Variants in RHD observed in about 807,000 individuals in gnomAD.
RHD encodes Rh blood group D antigen.
Under a neutral mutation model 45.5 loss-of-function variants are expected in RHD, and 16 were observed. The ratio of observed to expected loss-of-function variants is 0.35; its 90% CI spans 0.24 to 0.53. The LOEUF is 0.53. Ranked by LOEUF, RHD falls within the 20% of genes least tolerant of loss-of-function variation. The pLI is 0.92. For synonymous variants in RHD, 131 were observed against 217.5 expected (o/e 0.60, Z 3.50); for missense variants, 306 against 532.0 (o/e 0.58, Z 4.18).
In RHD at chr1:25,316,521, A is replaced by G. The variant is rs1644444682; in HGVS notation, c.1074-479A>G. ...TGTAGTCCCAGCTACTTGAGGCACAAGAATCGCTTGAACCTGGGGGACAGA... is the reference window on the plus strand; with the variant it reads ...TGTAGTCCCAGCTACTTGAGGCACAGGAATCGCTTGAACCTGGGGGACAGA... On this transcript the variant is annotated intron_variant, in intron 7 of 9. Coordinates refer to ENST00000328664, the MANE Select transcript of RHD (RefSeq NM_016124.6). Among the ~76,000 whole-genome samples, 2 of 112,082 alleles carry G rather than the reference A, an allele frequency of 1.8e-5. 1 individual carries two copies. Among genetic ancestry groups the G allele is most frequent in the South Asian group, 5.7e-4 (2 of 3,518 alleles). The allele number at this position is 112,082 out of a possible 152,430, so 73.5% of individuals were successfully genotyped here.
Position 25,278,864 on chromosome 1 carries a change from C to T in RHD, c.149-5709C>T, listed in dbSNP as rs1350744403. ...CCCAGGCTGCTGGAGGGGTGAGAGT[C>T]GCCGGTAGAGTAGAGGCTGTGGGCG... is the stretch of plus-strand genomic sequence containing the variant. On this transcript the variant is annotated intron_variant, in intron 1 of 9. Transcript: ENST00000328664. Among the ~76,000 whole-genome samples, 4 of 128,462 alleles carry T rather than the reference C, an allele frequency of 3.1e-5. No homozygotes were observed. In the East Asian group the frequency reaches 7.9e-4, roughly 25 times the overall value. The allele number at this position is 128,462 out of a possible 152,430, so 84.3% of individuals were successfully genotyped here.
rs184523691 is a variant in RHD, at chr1:25,274,442, C to T, written c.148+1747C>T. On this transcript the variant is annotated intron_variant, in intron 1 of 9. Coordinates refer to ENST00000328664, the MANE Select transcript of RHD (RefSeq NM_016124.6). ...TTGACTCTAGGGTCCATGTTCTTTA[C>T]CCCTGCACCGTGCTACTAACGTAGG... Among the ~76,000 whole-genome samples, 22 of 132,386 alleles carry T rather than the reference C, an allele frequency of 1.7e-4. 2 individuals are homozygous for T. The East Asian group carries it at 4.3e-3, about 26-fold the overall frequency. 86.9% of individuals were successfully genotyped at this position (132,386 alleles called of 152,430 possible).
Position 25,301,135 on chromosome 1 carries a change from G to A in RHD, c.634+42G>A, listed in dbSNP as rs777423423. On this transcript the variant is annotated intron_variant, in intron 4 of 9. Coordinates refer to ENST00000328664, the MANE Select transcript of RHD (RefSeq NM_016124.6). ...GTGAGTGGTCTCCTACTTGGGCTGAGCAGAATGGCTCAGAAAAGGCTCTGG... is the reference window on the plus strand; with the variant it reads ...GTGAGTGGTCTCCTACTTGGGCTGAACAGAATGGCTCAGAAAAGGCTCTGG... 3.7e-6 allele frequency: 5 copies of A among 1,360,598 alleles called. No homozygotes were observed. The South Asian group carries it at 4.7e-5, about 13-fold the overall frequency. The allele number at this position is 1,360,598 out of a possible 1,614,324, so 84.3% of individuals were successfully genotyped here. A position where few individuals can be genotyped will look rare whatever the true frequency, so the allele number is the denominator to read the frequency against.
chr1:25,276,508 C>A (rs1571572925), intron 1 of RHD, among the ~76,000 whole-genome samples: 2 of 65,762 alleles, frequency 3.0e-5, no homozygotes, highest in Admixed American at 1.8e-4. Flanking sequence ...GCCTAGGAAA[C>A]ATAGGGAGAC....
rs1468062159 is a variant in RHD at position 25,273,614 on chromosome 1, G to GT, written c.148+921dup. ...GGCTGAAGGGGAGGGTAGGATGATG[G>GT]TTATTTTATATTCAGCTAAAAATAT... is the stretch of plus-strand genomic sequence containing the variant. On this transcript the variant is annotated intron_variant, in intron 1 of 9. Coordinates refer to ENST00000328664, the MANE Select transcript of RHD (RefSeq NM_016124.6). Among the ~76,000 whole-genome samples, 2 of 99,178 alleles carry GT rather than the reference G, an allele frequency of 2.0e-5. 1 individual carries two copies. The highest frequency in any genetic ancestry group is 4.9e-5 in the Non-Finnish European group (2 of 41,060). The allele number at this position is 99,178 out of a possible 152,430, so 65.1% of individuals were successfully genotyped here.
In RHD at chr1:25,301,621, G is replaced by A. The variant is rs760646401; in HGVS notation, c.736G>A (p.Ala246Thr). The A allele has an allele frequency of 6.5e-6, 9 of 1,380,396 alleles. 1 individual carries two copies. The Admixed American group carries it at 1.4e-4, about 22-fold the overall frequency. 85.5% of individuals were successfully genotyped at this position (1,380,396 alleles called of 1,614,324 possible). A position where few individuals can be genotyped will look rare whatever the true frequency, so the allele number is the denominator to read the frequency against. The change falls in exon 5 of 10, where the codon GCA (alanine) becomes ACA (threonine). Residue 246 changes from alanine to threonine, a missense_variant. Ala to Thr is a moderately conservative substitution (Grantham distance 58). Transcript: ENST00000328664. ...CGTGTTCAACACCTACTATGCTGTA[G>A]CAGTCAGCGTGGTGACAGCCATCTC... ...NAVFNTYYAV[A>T]VSVVTAISGS...
chr1:25,321,036 T>C (rs1128110), intron 8 of RHD, among the ~76,000 whole-genome samples: 3 of 130,972 alleles, frequency 2.3e-5, no homozygotes, highest in Non-Finnish European at 5.4e-5. Flanking sequence ...AGAATGAGAC[T>C]CTGTCCCAAA....
intron 3 of RHD, among the ~76,000 whole-genome samples, chr1:25,295,999 AT>A (rs1642924392): frequency 8.5e-6 from 1 of 117,228 alleles, no homozygotes; most frequent in South Asian, 2.6e-4. Flanking sequence ...AGTAGCTGAG[AT>A]TACAGGCACA....
rs1276337555 is a variant in RHD at position 25,316,264 on chromosome 1, G to C, written c.1074-736G>C. ...CAGGGGAGATGGGTCTGAAAGCCAA[G>C]CTCTACCCCACCCACCTTGCCCCAA... On this transcript the variant is annotated intron_variant, in intron 7 of 9. Transcript: ENST00000328664. Among the ~76,000 whole-genome samples, 2 of 129,576 alleles carry C rather than the reference G, an allele frequency of 1.5e-5. 1 individual carries two copies. The highest frequency in any genetic ancestry group is 3.6e-5 in the Non-Finnish European group (2 of 54,902). 85.0% of individuals were successfully genotyped at this position (129,576 alleles called of 152,430 possible).
Position 25,284,670 on chromosome 1 carries a change from C to T in RHD, c.246C>T (p.Phe82=), listed in dbSNP as rs1641806486. 7.2e-7 allele frequency: 1 copy of T among 1,388,842 alleles called. No homozygotes were observed. 86.0% of individuals were successfully genotyped at this position (1,388,842 alleles called of 1,614,324 possible). Residue 82 remains phenylalanine (F), a synonymous_variant, in exon 2 of 10, where the codon TTC becomes TTT. Coordinates refer to ENST00000328664, the MANE Select transcript of RHD (RefSeq NM_016124.6). ...GGAGCAGTGTGGCCTTCAACCTCTT[C>T]ATGCTGGCGCTTGGTGTGCAGTGGG... ...HSWSSVAFNL[F]MLALGVQWAI...
rs759038817 is a variant in RHD at position 25,290,727 on chromosome 1, T to A, written c.422T>A (p.Val141Glu). 1.5e-6 allele frequency: 2 copies of A among 1,377,426 alleles called. 1 individual carries two copies. The allele number at this position is 1,377,426 out of a possible 1,614,324, so 85.3% of individuals were successfully genotyped here. ...LGKVNLAQLVVMVLVEVTALG... is the reference protein window; with the variant it reads ...LGKVNLAQLVEMVLVEVTALG... Reference sequence around the variant, plus strand: ...AAGGTCAACTTGGCGCAGTTGGTGGTGATGGTGCTGGTGGAGGTGACAGCT... The same window carrying A: ...AAGGTCAACTTGGCGCAGTTGGTGGAGATGGTGCTGGTGGAGGTGACAGCT... Residue 141 changes from valine to glutamate, a missense_variant, in exon 3 of 10, where the codon GTG becomes GAG. Physicochemically the swap from Val to Glu is moderately radical, Grantham distance 121. Coordinates refer to ENST00000328664, the MANE Select transcript of RHD (RefSeq NM_016124.6).
rs1256352248 is a variant in RHD at position 25,319,929 on chromosome 1, G to C, written c.1154-1960G>C. ...TTTTTCTTTTTTTAGACGCAGTTTT[G>C]CTCTTGTTGCCCAGGCTGGAGTGCA... On this transcript the variant is annotated intron_variant, in intron 8 of 9. Transcript: ENST00000328664. Among the ~76,000 whole-genome samples, 3 of 130,162 alleles carry C rather than the reference G, an allele frequency of 2.3e-5. No homozygotes were observed. In the East Asian group the frequency reaches 5.9e-4, roughly 25 times the overall value. The allele number at this position is 130,162 out of a possible 152,430, so 85.4% of individuals were successfully genotyped here.
intron 2 of RHD, among the ~76,000 whole-genome samples, chr1:25,288,994 C>A (rs1215598393): frequency 7.5e-6 from 1 of 134,064 alleles, no homozygotes; most frequent in Non-Finnish European, 1.8e-5. Flanking sequence ...GAGGCTTAAG[C>A]GGGCATAGTC....
intron 7 of RHD, chr1:25,307,607 A>G (rs1643916197): frequency 1.1e-6 from 1 of 901,814 alleles, no homozygotes; most frequent in African/African-American, 1.6e-5. Context: ...GTATTCTCAG[A>G]CTCTAAGAAA....
intron 9 of RHD, among the ~76,000 whole-genome samples, chr1:25,323,530 C>T (rs571747094): frequency 7.8e-6 from 1 of 127,594 alleles, no homozygotes; most frequent in East Asian, 2.0e-4. Context: ...ACCATCATGG[C>T]TCACTGTAGC....
At chr1:25,296,155 G>A (rs1157026965) in intron 3 of RHD, among the ~76,000 whole-genome samples, 1 of 119,310 alleles carries the variant, frequency 8.4e-6, no homozygotes, top group East Asian at 2.0e-4. Flanking sequence ...GAGCCACCGC[G>A]CCCAGCCTGG....
chr1:25,311,822 C>A lies in RHD; in HGVS notation c.1073+5093C>A, dbSNP rs544702982. Among the ~76,000 whole-genome samples, 130 of 131,356 alleles carry A rather than the reference C, an allele frequency of 9.9e-4. 24 individuals are homozygous for A. The highest frequency in any genetic ancestry group is 3.5e-3 in the African/African-American group (130 of 37,658). 86.2% of individuals were successfully genotyped at this position (131,356 alleles called of 152,430 possible). The stretch of plus-strand genomic sequence containing the variant: ...AGGTAAAAGTCATAAACCTTGGCAG[C>A]ATACACATGGCACTAATTTTGCAGG... On this transcript the variant is annotated intron_variant, in intron 7 of 9. Coordinates refer to ENST00000328664, the MANE Select transcript of RHD (RefSeq NM_016124.6).
intron 6 of RHD, among the ~76,000 whole-genome samples, chr1:25,306,188 A>G (rs568485931): frequency 7.6e-6 from 1 of 131,846 alleles, no homozygotes; most frequent in East Asian, 2.0e-4. Context: ...CAGTGGGGTG[A>G]GGGCTGCTAC....
intron 3 of RHD, among the ~76,000 whole-genome samples, chr1:25,297,021 T>C (rs1395752763): frequency 7.6e-6 from 1 of 131,780 alleles, no homozygotes; most frequent in East Asian, 1.9e-4. Flanking sequence ...GATTACCTTA[T>C]TCTCATTTCA....
Sources: allele counts gnomAD v4.1 joint callset (sites outside exome capture counted in the v4.1 genomes callset), GRCh38; gene constraint gnomAD v4.1.1; transcripts MANE v1.5; gene names NCBI Gene and HGNC (gene_info 2026-07-23, HGNC 2026-07-21).